TULP2: variants seen among roughly 807,000 people sequenced by gnomAD.
TULP2 encodes TUB like protein 2, also known as tubby-related protein 2.
Under a neutral mutation model 60.3 loss-of-function variants are expected in TULP2, and 64 were observed. That is an observed-to-expected ratio of 1.06 (90% confidence interval 0.87 to 1.31). The LOEUF (loss-of-function observed/expected upper bound fraction) is 1.31. TULP2 is among the 50% of genes most tolerant of loss of function. The pLI is 0.00. For missense variants in TULP2, 652 were observed against 667.0 expected, an observed-to-expected ratio of 0.98 and a Z score of 0.25; for synonymous variants, 267 against 265.4, an observed-to-expected ratio of 1.01 and a Z score of -0.06.
At chr19:48,894,030 G>T (rs1311248174) in intron 6 of TULP2, among the ~76,000 whole-genome samples, 2 of 151,854 alleles carry the variant, frequency 1.3e-5, no homozygotes, top group Non-Finnish European at 2.9e-5. Flanking sequence ...ATAAATAACA[G>T]AACCAATTTT....
rs145715793 is a variant in TULP2 at position 48,891,644 on chromosome 19, G to A, written c.515-2013C>T. On this transcript the variant is annotated intron_variant, in intron 6 of 12. Coordinates refer to ENST00000221399, the MANE Select transcript of TULP2 (RefSeq NM_003323.3). ...CCCTCCACACCCGTGGGTATTTCTC[G>A]CAAGGTGGAGACGAGCGGCTGAGAG... is the stretch of plus-strand genomic sequence containing the variant. Among the ~76,000 whole-genome samples, 686 of 152,304 alleles carry A rather than the reference G, an allele frequency of 4.5e-3. 6 individuals carry two copies. The highest frequency in any genetic ancestry group is 0.015 in the African/African-American group (633 of 41,574).
chr19:48,890,318 T>C (rs1413978189), intron 6 of TULP2, among the ~76,000 whole-genome samples: 1 of 152,062 alleles, frequency 6.6e-6, no homozygotes, highest in African/African-American at 2.4e-5. Context: ...TTCTTTACCT[T>C]GTCTATGATG....
At chr19:48,883,908 T>G (rs2037156792) in intron 10 of TULP2, 24 bp downstream of exon 10, 1 of 1,613,744 alleles carries the variant, frequency 6.2e-7, no homozygotes, top group Non-Finnish European at 8.5e-7. Context: ...TCCTACCCCA[T>G]TCTCTCATCC....
chr19:48,886,585 G>A (rs1018118993), intron 8 of TULP2, among the ~76,000 whole-genome samples: 11 of 151,986 alleles, frequency 7.2e-5, no homozygotes, highest in South Asian at 2.1e-4. Context: ...AGGATACCCC[G>A]AGGAGAGGAG....
At position 48,895,067 on chromosome 19, in the gene TULP2, C is replaced by G. The variant is rs2037266193; in HGVS notation, c.445G>C (p.Val149Leu). 3 of 1,613,970 alleles carry G rather than the reference C, an allele frequency of 1.9e-6. No homozygotes were observed. Among genetic ancestry groups the G allele is most frequent in the African/African-American group, 2.7e-5 (2 of 74,888 alleles). Residue 149 changes from valine to leucine, a missense_variant, in exon 6 of 13, where the codon GTC becomes CTC. Transcript: ENST00000221399. ...GACTGTTTAAAAGGTGGGGGAGAGACGGAACCATTCTCCACGGAGACTTCC... is the reference window on the plus strand; with the variant it reads ...GACTGTTTAAAAGGTGGGGGAGAGAGGGAACCATTCTCCACGGAGACTTCC... ...LEEVSVENGS[V>L]SPPPFKQSPR...
At chr19:48,881,212 T>G in intron 12 of TULP2, 86 bp from the exon 13 acceptor site, 2 of 156,236 alleles carry the variant, frequency 1.3e-5, no homozygotes, top group Non-Finnish European at 9.6e-6. Context: ...TTTTTTTTTC[T>G]TTTTTTTTTT....
chr19:48,887,215 G>A (rs982390584), intron 8 of TULP2, among the ~76,000 whole-genome samples: 6 of 147,256 alleles, frequency 4.1e-5, no homozygotes, highest in Admixed American at 1.4e-4. Flanking sequence ...GTTTCGCCTT[G>A]TTGGCCAGGC....
chr19:48,898,056 C>T (rs1234737461), intron 1 of TULP2, among the ~76,000 whole-genome samples, 187 bp from the exon 2 acceptor site: 2 of 151,998 alleles, frequency 1.3e-5, no homozygotes, highest in African/African-American at 4.8e-5. Flanking sequence ...ACTGCAACCT[C>T]CACCTCCTGG....
chr19:48,886,801 T>C (rs573238216), intron 8 of TULP2, among the ~76,000 whole-genome samples: 1 of 151,108 alleles, frequency 6.6e-6, no homozygotes, highest in Non-Finnish European at 1.5e-5. Context: ...CTCCACCTCC[T>C]GGACTCAAGC....
Position 48,895,010 on chromosome 19 carries a change from G to T in TULP2, c.502C>A (p.His168Asn). Residue 168 changes from histidine (H) to asparagine (N), a missense_variant, in exon 6 of 13, where the codon CAC (histidine) becomes AAC (asparagine). His to Asn is a moderately conservative substitution (Grantham distance 68, BLOSUM62 1). Coordinates refer to ENST00000221399, the MANE Select transcript of TULP2 (RefSeq NM_003323.3). Reference sequence around the variant, plus strand: ...TCCCCTAAATTACCAGGTCGTTGGTGGGCTTGCCAACCCTTGCGTCGGATT... The same window carrying T: ...TCCCCTAAATTACCAGGTCGTTGGTTGGCTTGCCAACCCTTGCGTCGGATT... ...PRIRRKGWQA[H>N]QRPGTRAEGE... is the part of the protein sequence containing the mutation. 6.2e-7 allele frequency: 1 copy of T among 1,612,630 alleles called. No homozygotes were observed. Among genetic ancestry groups the T allele is most frequent in the South Asian group, 1.1e-5 (1 of 90,842 alleles).
chr19:48,896,089 T>TG (rs1322969741), intron 4 of TULP2, among the ~76,000 whole-genome samples: 1 of 151,744 alleles, frequency 6.6e-6, no homozygotes, highest in Admixed American at 6.6e-5. Context: ...GGGTTTGGGG[T>TG]GGGGGTCCCG....
At position 48,885,444 on chromosome 19, in the gene TULP2, C is replaced by T. The variant is rs1457816741; in HGVS notation, c.1061+4G>A. 6.2e-7 allele frequency: 1 copy of T among 1,612,820 alleles called. No homozygotes were observed. Among genetic ancestry groups the T allele is most frequent in the Non-Finnish European group, 8.5e-7 (1 of 1,179,118 alleles). On this transcript the variant is annotated splice_donor_region_variant and intron_variant, in intron 9 of 12. Transcript: ENST00000221399. ...TCCTCACCACATGTCAGAGCTCTAC[C>T]CACCTGACTTTGCCCACGAAATTGT...
At chr19:48,885,119 T>G (rs1459502710) in intron 9 of TULP2, among the ~76,000 whole-genome samples, 2 of 151,914 alleles carry the variant, frequency 1.3e-5, no homozygotes, top group Non-Finnish European at 2.9e-5. Context: ...CAGGCTGGTC[T>G]CAAGCTCCTG....
chr19:48,892,549 G>C (rs918236684), intron 6 of TULP2, among the ~76,000 whole-genome samples: 8 of 151,580 alleles, frequency 5.3e-5, no homozygotes, highest in Non-Finnish European at 1.5e-5. Flanking sequence ...TGTCACCCAG[G>C]CTGGAGTGCA....
chr19:48,886,333 G>T (rs2037179417), intron 8 of TULP2, among the ~76,000 whole-genome samples: 1 of 152,004 alleles, frequency 6.6e-6, no homozygotes, highest in African/African-American at 2.4e-5. Flanking sequence ...GGGAAATGTG[G>T]TTCTCACTGA....
rs2037286727 is a variant in TULP2 at position 48,896,793 on chromosome 19, GC to G, written c.85-238del. On this transcript the variant is annotated intron_variant, in intron 3 of 12. Transcript: ENST00000221399. Reference sequence around the variant, plus strand: ...TCATCCCCCAGGACCCAGGAGTCCTGCCTTCTAGAAGCCTTGTTCCTTAGAA... The same window carrying G: ...TCATCCCCCAGGACCCAGGAGTCCTGCTTCTAGAAGCCTTGTTCCTTAGAA... 12 of 434,458 alleles carry G rather than the reference GC, an allele frequency of 2.8e-5. No individual in the cohort carries two copies. The South Asian group carries it at 6.6e-4, about 24-fold the overall frequency. The allele number at this position is 434,458 out of a possible 1,614,324, so 26.9% of individuals were successfully genotyped here. A position where few individuals can be genotyped will look rare whatever the true frequency, so the allele number is the denominator to read the frequency against.
In TULP2 at chr19:48,889,525, G is replaced by C. The variant is rs144698704; in HGVS notation, c.621C>G (p.Asn207Lys). 594 of 1,572,064 alleles carry C rather than the reference G, an allele frequency of 3.8e-4. No individual in the cohort carries two copies. The highest frequency in any genetic ancestry group is 4.9e-4 in the Non-Finnish European group (559 of 1,147,960). Reference sequence around the variant, plus strand: ...ATTTTCCTACCTTTTGGAAGGCCAAGTTTTCATATACACAGTCACCATCCA... The same window carrying C: ...ATTTTCCTACCTTTTGGAAGGCCAACTTTTCATATACACAGTCACCATCCA... Reference protein sequence around the residue: ...PGMDGDCVYENLAFQKEEDLE... With the variant: ...PGMDGDCVYEKLAFQKEEDLE... The change falls in exon 7 of 13, where the codon AAC (asparagine) becomes AAG (lysine). Residue 207 changes from asparagine to lysine, a missense_variant. Asn to Lys is a moderately conservative substitution (Grantham distance 94, BLOSUM62 0). Coordinates refer to ENST00000221399, the MANE Select transcript of TULP2 (RefSeq NM_003323.3).
At position 48,881,051 on chromosome 19, in the gene TULP2, G is replaced by T. The variant is rs534480743; in HGVS notation, c.1523C>A (p.Pro508Gln). The T allele has an allele frequency of 1.9e-6, 3 of 1,613,824 alleles. No individual in the cohort carries two copies. Among genetic ancestry groups the T allele is most frequent in the Non-Finnish European group, 2.5e-6 (3 of 1,179,970 alleles). The change falls in exon 13 of 13, where the codon CCG (proline) becomes CAG (glutamine). Residue 508 changes from proline (P) to glutamine (Q), a missense_variant. Pro to Gln is a moderately conservative substitution (Grantham distance 76). Transcript: ENST00000221399. ...FTMDFCFPFS[P>Q]LQAFSICLSS... ...CAAGCAGATGCTGAAGGCCTGGAGC[G>T]GGCTAAATGGAAAGCAGAAGTCCAT...
At chr19:48,895,797 T>C (rs2037273490) in intron 4 of TULP2, among the ~76,000 whole-genome samples, 1 of 152,060 alleles carries the variant, frequency 6.6e-6, no homozygotes, top group Non-Finnish European at 1.5e-5. Context: ...GAGAATCGCT[T>C]GAACCCGGGA....
Sources: allele counts gnomAD v4.1 joint callset (sites outside exome capture counted in the v4.1 genomes callset), GRCh38; gene constraint gnomAD v4.1.1; transcripts MANE v1.5; gene names NCBI Gene and HGNC (gene_info 2026-07-23, HGNC 2026-07-21).